Variants in LAIR1 observed in about 807,000 individuals in gnomAD.
LAIR1 encodes the protein leukocyte associated immunoglobulin like receptor 1.
Under a neutral mutation model 32.8 loss-of-function variants are expected in LAIR1, and 24 were observed. The ratio of observed to expected loss-of-function variants is 0.73; its 90% CI spans 0.53 to 1.03. LAIR1 has a LOEUF of 1.03. Among genes scored for constraint, LAIR1 ranks in the 50% least tolerant of loss-of-function variants. LAIR1 has a pLI of 0.00. For synonymous variants in LAIR1, 150 were observed against 140.5 expected, an observed-to-expected ratio of 1.07 and a Z score of -0.48; for missense variants, 355 against 347.5, an observed-to-expected ratio of 1.02 and a Z score of -0.17.
At chr19:54,363,245 C>T (rs1338040937) in intron 2 of LAIR1, among the ~76,000 whole-genome samples, 3 of 151,408 alleles carry the variant, frequency 2.0e-5, no homozygotes, top group Admixed American at 6.6e-5. Flanking sequence ...CAGGAAAAGT[C>T]GATGAAGAGA....
At chr19:54,373,251 G>A (rs560695154), upstream of LAIR1, among the ~76,000 whole-genome samples, 31 of 151,324 alleles carry the variant, frequency 2.0e-4, 1 homozygote, top group African/African-American at 5.4e-4. Context: ...GACCATCCTG[G>A]CCAACACGGT....
At chr19:54,366,835 T>C (rs1251415586), upstream of LAIR1, among the ~76,000 whole-genome samples, 2 of 152,314 alleles carry the variant, frequency 1.3e-5, no homozygotes, top group South Asian at 2.1e-4. Flanking sequence ...TGGCATGGCT[T>C]CTTGTACCAA....
rs568061484 is a variant in LAIR1 at position 54,355,283 on chromosome 19, G to A, written c.849C>T (p.Ala283=). The change falls in exon 10 of 10, where the codon GCC becomes GCT. Residue 283 remains alanine, a synonymous_variant. Transcript: ENST00000391742. The surrounding 1 kb of genome is among the most constrained non-coding windows in gnomAD (Gnocchi z 4.7). The part of the protein sequence containing the change: ...KPMAESITYA[A]VARH Reference sequence around the variant, plus strand: ...GGGTATGGGGTCAGTGTCTGGCAACGGCTGCATACGTGATGGACTCGGCCA... The same window carrying A: ...GGGTATGGGGTCAGTGTCTGGCAACAGCTGCATACGTGATGGACTCGGCCA... 112 of 1,608,386 alleles carry A rather than the reference G, an allele frequency of 7.0e-5. No individual in the cohort carries two copies. In the Admixed American group the frequency reaches 7.2e-4, roughly 10 times the overall value.
chr19:54,375,386 C>T (rs921991854), upstream of LAIR1, among the ~76,000 whole-genome samples: 47 of 152,170 alleles, frequency 3.1e-4, no homozygotes, highest in African/African-American at 1.1e-3. Context: ...GGATGCGGTG[C>T]GCAGAGACTC....
At chr19:54,357,270 C>G (rs1843870664) in intron 4 of LAIR1, 1 of 426,766 alleles carries the variant, frequency 2.3e-6, no homozygotes, top group South Asian at 3.2e-5. Flanking sequence ...TGATGCCATC[C>G]CTACTGGACG....
exon 1 of LAIR1, chr19:54,370,319 G>C: frequency 6.5e-7 from 1 of 1,533,786 alleles, no homozygotes; most frequent in Non-Finnish European, 8.8e-7. Flanking sequence ...ACCTCAGGAC[G>C]ATGATCATCT....
Position 54,361,209 on chromosome 19 carries a change from T to G in LAIR1, c.71A>C (p.Glu24Ala). 6.2e-7 allele frequency: 1 copy of G among 1,613,770 alleles called. No individual in the cohort carries two copies. The highest frequency in any genetic ancestry group is 8.5e-7 in the Non-Finnish European group (1 of 1,179,752). Residue 24 changes from glutamate (E) to alanine (A), a missense_variant and splice_region_variant, in exon 3 of 10, where the codon GAA becomes GCA. Physicochemically the swap from Glu to Ala is moderately radical, Grantham distance 107. Coordinates refer to ENST00000391742, the MANE Select transcript of LAIR1 (RefSeq NM_002287.6). ...CGAGATGGAGGGTCTGGGCAGATCT[T>G]CTAGGAGGGAAGCAGAGCAGGATCT... ...CLAQTIHTQE[E>A]DLPRPSISAE... is the part of the protein sequence containing the mutation.
chr19:54,364,922 CA>C lies in LAIR1; in HGVS notation c.-119del. 1 of 1,591,080 alleles carries C rather than the reference CA, an allele frequency of 6.3e-7. No homozygotes were observed. Among genetic ancestry groups the C allele is most frequent in the Non-Finnish European group, 8.6e-7 (1 of 1,168,200 alleles). ...GGGGGCCTCCTGCCTATGGGGCTTC[CA>C]CAGCAACTGCCTCACACAAGAGGAA... On this transcript the variant is annotated 5_prime_UTR_variant, in exon 1 of 10. Coordinates refer to ENST00000391742, the MANE Select transcript of LAIR1 (RefSeq NM_002287.6). The surrounding 1 kb of genome is among the most constrained non-coding windows in gnomAD (Gnocchi z 4.8).
At chr19:54,365,003 C>G (rs1314054910), upstream of LAIR1, 1 of 1,438,412 alleles carries the variant, frequency 7.0e-7, no homozygotes, top group East Asian at 2.6e-5. Flanking sequence ...AGAGGGAGGG[C>G]CTTGGTTTCT....
upstream of LAIR1, among the ~76,000 whole-genome samples, chr19:54,367,678 G>A (rs1345647839): frequency 3.3e-5 from 5 of 151,600 alleles, no homozygotes; most frequent in Admixed American, 6.6e-5. Context: ...CCCGGGAGGC[G>A]GAGGCTGCAG....
In LAIR1 at chr19:54,360,851, AG is replaced by A. The variant is rs1195978571; in HGVS notation, c.364+64del. 18 of 1,524,470 alleles carry A rather than the reference AG, an allele frequency of 1.2e-5. No homozygotes were observed. In the African/African-American group the frequency reaches 1.9e-4, roughly 16 times the overall value. The allele number at this position is 1,524,470 out of a possible 1,614,324, so 94.4% of individuals were successfully genotyped here. On this transcript the variant is annotated intron_variant, in intron 3 of 9. Transcript: ENST00000391742. ...GAGGACAGCAGCTGGGACAGGGTCC[AG>A]GGACCTGGGGACAAGCTCGAGGGTC...
intron 4 of LAIR1, chr19:54,358,008 AT>A (rs2081806919): frequency 6.7e-6 from 1 of 148,694 alleles, no homozygotes. Context: ...CAAATGTATA[AT>A]ATATAACAAA....
intron 2 of LAIR1, among the ~76,000 whole-genome samples, chr19:54,362,159 G>T (rs1170604036): frequency 3.9e-5 from 6 of 152,082 alleles, no homozygotes; most frequent in Admixed American, 6.5e-5. Context: ...GTAGTTAATT[G>T]TTGTGGTGAG....
rs991967302 is a variant in LAIR1 at position 54,354,058 on chromosome 19, C to T, written c.*1210G>A. 72 of 152,172 alleles carry T rather than the reference C, an allele frequency of 4.7e-4. No homozygotes were observed. The highest frequency in any genetic ancestry group is 1.6e-3 in the African/African-American group (67 of 41,414). 9.4% of individuals were successfully genotyped at this position (152,172 alleles called of 1,614,324 possible). Reference sequence around the variant, plus strand: ...TGTTTTTGTTTTTTAAAGACAAACACAGATTAACCCAAATGAGATTCTGCC... The same window carrying T: ...TGTTTTTGTTTTTTAAAGACAAACATAGATTAACCCAAATGAGATTCTGCC... On this transcript the variant is annotated 3_prime_UTR_variant, in exon 10 of 10. Transcript: ENST00000391742.
upstream of LAIR1, among the ~76,000 whole-genome samples, chr19:54,374,091 A>T (rs2082463532): frequency 6.8e-6 from 1 of 147,962 alleles, no homozygotes; most frequent in African/African-American, 2.5e-5. Flanking sequence ...TAAGTACAGA[A>T]TTTTTTTTTT....
chr19:54,367,744 T>G (rs2082297245), upstream of LAIR1, among the ~76,000 whole-genome samples: 1 of 141,018 alleles, frequency 7.1e-6, no homozygotes, highest in South Asian at 2.2e-4. Context: ...AGACTCCATC[T>G]AAAAAAATAT....
upstream of LAIR1, among the ~76,000 whole-genome samples, chr19:54,374,553 G>A (rs188559623): frequency 6.1e-4 from 93 of 152,264 alleles, no homozygotes; most frequent in South Asian, 3.9e-3. Context: ...TTTGGCTGCC[G>A]CAGTGACCTT....
At chr19:54,373,000 G>C (rs1221865890), upstream of LAIR1, among the ~76,000 whole-genome samples, 1 of 150,800 alleles carries the variant, frequency 6.6e-6, no homozygotes, top group African/African-American at 2.5e-5. Flanking sequence ...CATAGTGGCG[G>C]GCGCCTGTAA....
upstream of LAIR1, among the ~76,000 whole-genome samples, chr19:54,373,063 T>C (rs1454466236): frequency 1.0e-4 from 15 of 145,270 alleles, 1 homozygote; most frequent in Non-Finnish European, 1.6e-4. Flanking sequence ...ACCCAGGAGG[T>C]AGAGGTTGCA....
Sources: gnomAD v4.1 joint callset for allele counts (sites outside exome capture counted in the v4.1 genomes callset) on GRCh38, gnomAD v4.1.1 for gene constraint, Gnocchi (gnomAD v3.1) non-coding constraint, MANE v1.5 for transcripts, NCBI Gene and HGNC (gene_info 2026-07-23, HGNC 2026-07-21) for gene names.